Variants in BCCIP observed in about 807,000 individuals in gnomAD.
BCCIP encodes the protein BRCA2 and CDKN1A interacting protein, also known as BRCA2 and CDKN1A-interacting protein.
A neutral mutation model predicts 32.8 loss-of-function variants in BCCIP; 23 were observed. The observed-to-expected ratio is 0.70, with a 90% CI of 0.51 to 0.99. The LOEUF (loss-of-function observed/expected upper bound fraction) is 0.99, where lower values mean the gene tolerates loss of function less well. Ranked by LOEUF, BCCIP falls within the 50% of genes least tolerant of loss-of-function variation. The pLI is 0.00. For missense variants in BCCIP, 378 were observed against 379.8 expected (o/e 1.00, Z 0.04); for synonymous variants, 144 against 137.6 (o/e 1.05, Z -0.33).
At chr10:125,847,861 C>T (rs1240371055) in intron 7 of BCCIP, among the ~76,000 whole-genome samples, 4 of 152,004 alleles carry the variant, frequency 2.6e-5, no homozygotes, top group Non-Finnish European at 5.9e-5. Flanking sequence ...TAATAGGGTT[C>T]GAGCTCCTAC....
At chr10:125,840,822 A>G (rs1269596827), downstream of BCCIP, 2 of 1,547,036 alleles carry the variant, frequency 1.3e-6, no homozygotes, top group African/African-American at 2.8e-5. Flanking sequence ...TGGAATTAAT[A>G]GGTAGTTTCT....
chr10:125,824,996 TC>T (rs1854341988), intron 1 of BCCIP, among the ~76,000 whole-genome samples: 1 of 152,278 alleles, frequency 6.6e-6, no homozygotes, highest in Non-Finnish European at 1.5e-5. Context: ...GGGTATGTGA[TC>T]AATCTTCCTT....
chr10:125,840,287 A>G (rs2134024828), downstream of BCCIP, among the ~76,000 whole-genome samples: 1 of 152,190 alleles, frequency 6.6e-6, no homozygotes, highest in Admixed American at 6.5e-5. Context: ...CAGGCATACA[A>G]AGGACTTTGT....
At chr10:125,840,934 T>A, downstream of BCCIP, 1 of 1,612,546 alleles carries the variant, frequency 6.2e-7, no homozygotes, top group South Asian at 1.1e-5. Flanking sequence ...TGTAAAAATG[T>A]CTTCCAACAA....
At chr10:125,837,782 T>G (rs1270072114), downstream of BCCIP, among the ~76,000 whole-genome samples, 2 of 152,180 alleles carry the variant, frequency 1.3e-5, no homozygotes, top group Non-Finnish European at 2.9e-5. Context: ...TGCACTTAGA[T>G]AAAATATAAA....
rs1385859418 is a variant in BCCIP, at chr10:125,831,296, A to T, written c.412-124A>T. The T allele has an allele frequency of 8.4e-6, 7 of 834,422 alleles. No homozygotes were observed. In the East Asian group the frequency reaches 1.8e-4, roughly 21 times the overall value. 51.7% of individuals were successfully genotyped at this position (834,422 alleles called of 1,614,324 possible). On this transcript the variant is annotated intron_variant, in intron 4 of 6. Transcript: ENST00000278100. ...GCAGTCAACACTGAAGACATACAAG[A>T]CGTTAAGGCTATGGCAGGAAACTGC...
At chr10:125,841,295 G>A (rs768577031), downstream of BCCIP, 4 of 1,614,152 alleles carry the variant, frequency 2.5e-6, no homozygotes, top group East Asian at 8.9e-5. Flanking sequence ...CCAGACACAA[G>A]AAGAGGATTG....
chr10:125,832,189 T>G (rs1300038519), intron 5 of BCCIP, among the ~76,000 whole-genome samples: 3 of 152,000 alleles, frequency 2.0e-5, no homozygotes, highest in Admixed American at 2.0e-4. Context: ...TCTTATTTAT[T>G]TCTATCTAAT....
chr10:125,852,620 G>A (rs777280901), intron 7 of BCCIP: 1 of 1,612,032 alleles, frequency 6.2e-7, no homozygotes, highest in Non-Finnish European at 8.5e-7. Flanking sequence ...GAGCGAGTTT[G>A]CTCTTATTCT....
At chr10:125,829,497 C>T (rs988509994) in intron 3 of BCCIP, among the ~76,000 whole-genome samples, 2 of 152,150 alleles carry the variant, frequency 1.3e-5, no homozygotes, top group African/African-American at 2.4e-5. Flanking sequence ...ACTTCCTGTC[C>T]TCCTATTCAT....
At chr10:125,841,490 C>T, downstream of BCCIP, 2 of 1,454,130 alleles carry the variant, frequency 1.4e-6, no homozygotes, top group Non-Finnish European at 1.8e-6. Flanking sequence ...CAAAAGAAAT[C>T]TAGTATGTTT....
In BCCIP at chr10:125,836,146, G is replaced by A. The variant is rs779379701; in HGVS notation, c.817G>A (p.Asp273Asn). The A allele has an allele frequency of 4.3e-6, 7 of 1,614,238 alleles. No individual in the cohort carries two copies. The highest frequency in any genetic ancestry group is 2.2e-5 in the East Asian group (1 of 44,882). The change falls in exon 7 of 7, where the codon GAC becomes AAC. Residue 273 changes from aspartate (D) to asparagine (N), a missense_variant. Transcript: ENST00000278100. The part of the protein sequence containing the change: ...KFNYSVQEES[D>N]TCLGGKWSFD... The stretch of plus-strand genomic sequence containing the variant: ...CAACTACTCAGTGCAGGAGGAGAGC[G>A]ACACTTGTCTGGGAGGCAAATGGTC...
At chr10:125,823,984 C>G (rs893326179) in intron 1 of BCCIP, among the ~76,000 whole-genome samples, 4 of 152,168 alleles carry the variant, frequency 2.6e-5, no homozygotes, top group Admixed American at 2.6e-4. Flanking sequence ...GTGTGTTCTT[C>G]TCGTCCTCTT....
At chr10:125,828,659 T>C (rs866199182) in intron 3 of BCCIP, among the ~76,000 whole-genome samples, 57 of 152,218 alleles carry the variant, frequency 3.7e-4, no homozygotes, top group Admixed American at 9.8e-4. Flanking sequence ...CTGCTTATCA[T>C]CTGGTGGTTC....
At chr10:125,824,469 G>A (rs1344048657) in intron 1 of BCCIP, among the ~76,000 whole-genome samples, 2 of 152,000 alleles carry the variant, frequency 1.3e-5, no homozygotes, top group African/African-American at 4.8e-5. Context: ...TCTCTTAATC[G>A]TCACCATTTC....
chr10:125,825,753 G>A (rs920804979), intron 1 of BCCIP: 3 of 152,236 alleles, frequency 2.0e-5, no homozygotes, highest in Admixed American at 6.5e-5. Flanking sequence ...CAGGTTCATT[G>A]TGTCACTTAT....
chr10:125,840,911 A>G (rs1484517071), downstream of BCCIP: 1 of 1,612,312 alleles, frequency 6.2e-7, no homozygotes, highest in Non-Finnish European at 8.5e-7. Flanking sequence ...GGGTAAAGTG[A>G]TCTCCTTCGG....
downstream of BCCIP, chr10:125,838,321 G>A (rs1854764595): frequency 6.2e-7 from 1 of 1,613,716 alleles, no homozygotes; most frequent in Non-Finnish European, 8.5e-7. Flanking sequence ...GACAGGGGAT[G>A]CAGCTGAGCA....
chr10:125,840,849 TCA>T (rs1854856905), downstream of BCCIP: 4 of 1,585,592 alleles, frequency 2.5e-6, no homozygotes, highest in Non-Finnish European at 3.4e-6. Flanking sequence ...TCACTTACAC[TCA>T]CTGCTAGAAT....
Sources: gnomAD v4.1 joint callset for allele counts (sites outside exome capture counted in the v4.1 genomes callset) on GRCh38, gnomAD v4.1.1 for gene constraint, MANE v1.5 for transcripts, NCBI Gene and HGNC (gene_info 2026-07-23, HGNC 2026-07-21) for gene names.